The following GRXCR2 variants were observed in gnomAD, a reference collection of about 807,000 sequenced individuals.
The protein encoded by GRXCR2 is glutaredoxin domain-containing cysteine-rich protein 2.
In GRXCR2, 23 loss-of-function variants were observed where a neutral mutation model predicts 24.8. The observed-to-expected ratio is 0.93, with a 90% confidence interval of 0.67 to 1.32. GRXCR2 has a LOEUF of 1.32. Among genes scored for constraint, GRXCR2 ranks in the 40% most tolerant of loss-of-function variants. The pLI is 0.00. For missense variants in GRXCR2, 315 were observed against 303.4 expected (o/e 1.04, Z -0.28); for synonymous variants, 130 against 116.1 (o/e 1.12, Z -0.77).
chr5:145,888,885 C>T (rs746712343), intron 2 of GRXCR2, among the ~76,000 whole-genome samples: 3 of 152,062 alleles, frequency 2.0e-5, no homozygotes, highest in Non-Finnish European at 4.4e-5. Flanking sequence ...ATAAGAATGA[C>T]ACAATGGGCC....
At chr5:145,880,452 T>C (rs1360255062) in intron 2 of GRXCR2, among the ~76,000 whole-genome samples, 1 of 152,004 alleles carries the variant, frequency 6.6e-6, no homozygotes, top group African/African-American at 2.4e-5. Context: ...CTAGAAGAAA[T>C]GGATAAATTC....
At chr5:145,902,105 T>C (rs765458340) in intron 2 of GRXCR2, among the ~76,000 whole-genome samples, 1 of 152,126 alleles carries the variant, frequency 6.6e-6, no homozygotes, top group Non-Finnish European at 1.5e-5. Context: ...AGTCTTCTTT[T>C]TTTTTAGAGA....
intron 2 of GRXCR2, among the ~76,000 whole-genome samples, chr5:145,931,543 C>T (rs1034146339): frequency 2.6e-5 from 4 of 152,216 alleles, no homozygotes; most frequent in African/African-American, 9.6e-5. Flanking sequence ...CATCTGACTT[C>T]ATCCTGGGTC....
upstream of GRXCR2, among the ~76,000 whole-genome samples, chr5:145,875,459 G>A (rs1756598839): frequency 2.0e-5 from 3 of 152,184 alleles, no homozygotes; most frequent in East Asian, 1.9e-4. Context: ...TAGAGCAGGA[G>A]AATCACTTGA....
intron 2 of GRXCR2, among the ~76,000 whole-genome samples, chr5:145,911,488 T>C (rs1757166967): frequency 1.3e-5 from 2 of 152,156 alleles, no homozygotes; most frequent in African/African-American, 4.8e-5. Flanking sequence ...AGAACACTAC[T>C]TGTAGAAAAT....
upstream of GRXCR2, among the ~76,000 whole-genome samples, chr5:145,873,713 C>G (rs1554104543): frequency 6.6e-6 from 1 of 152,176 alleles, no homozygotes; most frequent in Non-Finnish European, 1.5e-5. Context: ...GATTCTGGGC[C>G]TTCTCCCCCT....
intron 2 of GRXCR2, among the ~76,000 whole-genome samples, chr5:145,915,841 G>T (rs1462859208): frequency 1.3e-5 from 2 of 152,114 alleles, no homozygotes; most frequent in Non-Finnish European, 2.9e-5. Flanking sequence ...TGCACAGTGG[G>T]TTCACCTCTA....
intron 2 of GRXCR2, among the ~76,000 whole-genome samples, chr5:145,900,975 A>C (rs1261280491): frequency 6.6e-6 from 1 of 152,192 alleles, no homozygotes; most frequent in Non-Finnish European, 1.5e-5. Flanking sequence ...AAAGAACCAA[A>C]GCATGTCCTT....
intron 2 of GRXCR2, among the ~76,000 whole-genome samples, chr5:145,889,235 A>AGAAG (rs1756827240): frequency 4.1e-5 from 6 of 146,372 alleles, no homozygotes; most frequent in Admixed American, 3.4e-4. Context: ...AAAGAAAGAA[A>AGAAG]GAAAGAAAGA....
chr5:145,912,948 C>T (rs554215217), intron 2 of GRXCR2, among the ~76,000 whole-genome samples: 4 of 152,326 alleles, frequency 2.6e-5, no homozygotes, highest in East Asian at 1.9e-4. Flanking sequence ...GATATGGAAA[C>T]GCTCTGATTT....
chr5:145,875,207 C>A (rs1186779046), upstream of GRXCR2, among the ~76,000 whole-genome samples: 1 of 152,106 alleles, frequency 6.6e-6, no homozygotes, highest in Non-Finnish European at 1.5e-5. Flanking sequence ...TGAGAGAAAC[C>A]AAATACACAA....
intron 2 of GRXCR2, among the ~76,000 whole-genome samples, chr5:145,900,506 G>T (rs1261323894): frequency 1.3e-5 from 2 of 152,072 alleles, no homozygotes; most frequent in African/African-American, 4.8e-5. Flanking sequence ...CCCAAAAGAA[G>T]ACATACAAGC....
intron 1 of GRXCR2, among the ~76,000 whole-genome samples, chr5:145,871,378 G>C (rs1756529145): frequency 6.6e-6 from 1 of 152,114 alleles, no homozygotes; most frequent in African/African-American, 2.4e-5. Flanking sequence ...AGAAGATCTG[G>C]ATTCTTATTC....
At chr5:145,884,568 T>A (rs183261538) in intron 2 of GRXCR2, among the ~76,000 whole-genome samples, 2 of 152,116 alleles carry the variant, frequency 1.3e-5, no homozygotes, top group East Asian at 3.9e-4. Flanking sequence ...AAAAAGTTTA[T>A]CCCCTCAATA....
chr5:145,880,953 G>T (rs1367578751), intron 2 of GRXCR2, among the ~76,000 whole-genome samples: 2 of 152,200 alleles, frequency 1.3e-5, no homozygotes, highest in Non-Finnish European at 2.9e-5. Flanking sequence ...AATAGATGCA[G>T]AAAAGGCCTT....
At chr5:145,906,844 A>C (rs1278636850) in intron 2 of GRXCR2, among the ~76,000 whole-genome samples, 1 of 152,220 alleles carries the variant, frequency 6.6e-6, no homozygotes, top group Non-Finnish European at 1.5e-5. Flanking sequence ...CAGTGAGTTA[A>C]ATGTATAGTA....
chr5:145,858,535 T>A lies in GRXCR2; in HGVS notation c.*1198A>T, dbSNP rs1756278379. On this transcript the variant is annotated 3_prime_UTR_variant, in exon 3 of 3. Coordinates refer to ENST00000377976, the MANE Select transcript of GRXCR2 (RefSeq NM_001080516.2). ...GGCTTCAAAAATATTTTAGTCTTTT[T>A]TATTAGAATTATTTATATTGCCTGA... The A allele has an allele frequency of 6.6e-6, 1 of 152,210 alleles. No individual in the cohort carries two copies. The highest frequency in any genetic ancestry group is 2.4e-5 in the African/African-American group (1 of 41,456). The allele number at this position is 152,210 out of a possible 1,614,324, so 9.4% of individuals were successfully genotyped here.
At chr5:145,916,119 G>A (rs1410557403) in intron 2 of GRXCR2, among the ~76,000 whole-genome samples, 2 of 152,042 alleles carry the variant, frequency 1.3e-5, no homozygotes, top group Non-Finnish European at 2.9e-5. Context: ...TGGAGGAAGC[G>A]GGGGGCGCTG....
chr5:145,893,924 A>G (rs1196939135), intron 2 of GRXCR2, among the ~76,000 whole-genome samples: 2 of 152,160 alleles, frequency 1.3e-5, no homozygotes. Flanking sequence ...AGAAATTATA[A>G]CAAACTGTCT....
Sources: allele counts gnomAD v4.1 joint callset (sites outside exome capture counted in the v4.1 genomes callset), GRCh38; gene constraint gnomAD v4.1.1; transcripts MANE v1.5; gene names NCBI Gene and HGNC (gene_info 2026-07-23, HGNC 2026-07-21).